Variants in TTC19 observed in about 807,000 individuals in gnomAD.
TTC19 encodes the protein tetratricopeptide repeat domain 19, also known as tetratricopeptide repeat protein 19, mitochondrial.
Under a neutral mutation model 49.5 loss-of-function variants are expected in TTC19, and 38 were observed. The observed-to-expected ratio is 0.77, with a 90% CI of 0.59 to 1.01. TTC19 has a LOEUF of 1.01. TTC19 is among the 50% of genes least tolerant of loss of function. The probability of loss-of-function intolerance (pLI) is 0.00; values close to 1 mark genes in which losing one functional copy is unlikely to be tolerated. For missense variants in TTC19, 475 were observed against 477.7 expected, an observed-to-expected ratio of 0.99 and a Z score of 0.05; for synonymous variants, 204 against 185.2, an observed-to-expected ratio of 1.10 and a Z score of -0.83.
At chr17:16,007,114 A>AC (rs1233182956) in intron 7 of TTC19, among the ~76,000 whole-genome samples, 2 of 152,214 alleles carry the variant, frequency 1.3e-5, no homozygotes, top group South Asian at 4.2e-4. Flanking sequence ...CCTACTCTAT[A>AC]CCAAGAGCTA....
intron 7 of TTC19, among the ~76,000 whole-genome samples, chr17:16,007,667 G>A (rs777667081): frequency 2.6e-5 from 4 of 152,294 alleles, no homozygotes; most frequent in Non-Finnish European, 2.9e-5. Context: ...GCCAGCTGCC[G>A]TATACAACTT....
chr17:16,013,054 A>G lies in TTC19; in HGVS notation c.676+6486A>G, dbSNP rs972719148. ...TCCTGTCTCTTCAAAAAATAAAAAA[A>G]TTACCTGGGCACGGTGGCACATGCC... is the stretch of plus-strand genomic sequence containing the variant. On this transcript the variant is annotated intron_variant, in intron 7 of 9. Coordinates refer to ENST00000261647, the MANE Select transcript of TTC19 (RefSeq NM_017775.4). Among the ~76,000 whole-genome samples, 10 of 152,222 alleles carry G rather than the reference A, an allele frequency of 6.6e-5. No individual in the cohort carries two copies. In the East Asian group the frequency reaches 1.9e-3, roughly 29 times the overall value.
intron 7 of TTC19, among the ~76,000 whole-genome samples, chr17:16,017,578 A>G (rs1971254130): frequency 6.6e-6 from 1 of 151,598 alleles, no homozygotes; most frequent in Admixed American, 6.6e-5. Context: ...TGGCCAACAT[A>G]GTGAAACCCC....
intron 2 of TTC19, chr17:16,039,754 G>C: frequency 9.4e-7 from 1 of 1,058,808 alleles, no homozygotes; most frequent in Non-Finnish European, 1.4e-6. Flanking sequence ...ACAGCACTTG[G>C]CAAGTGACCT....
At chr17:16,010,626 C>T (rs113691771) in intron 7 of TTC19, among the ~76,000 whole-genome samples, 9,266 of 151,640 alleles carry the variant, frequency 0.061, 404 homozygotes, top group Middle Eastern at 0.13. Context: ...AGGCACCCGC[C>T]ACCACACCTG....
At chr17:16,034,895 A>G (rs748817233) in intron 2 of TTC19, 1 of 1,614,210 alleles carries the variant, frequency 6.2e-7, no homozygotes, top group East Asian at 2.2e-5. Context: ...TAGGAGACTT[A>G]GATTTCCTGC....
At chr17:16,038,846 C>T (rs2056986264) in intron 2 of TTC19, among the ~76,000 whole-genome samples, 1 of 152,180 alleles carries the variant, frequency 6.6e-6, no homozygotes, top group African/African-American at 2.4e-5. Flanking sequence ...TCTCAGCTCA[C>T]AGCAACCTCC....
rs1212435528 is a variant in TTC19 at position 16,034,974 on chromosome 17, ATATAT to A, written c.247+8275_247+8279del. The stretch of plus-strand genomic sequence containing the variant: ...AAGTGAAATTCAAGTTAAAGTATTA[ATATAT>A]TAAGTTCTCAAAAATTACCAAAATG... On this transcript the variant is annotated intron_variant, in intron 2 of 2. Coordinates refer to the TTC19 transcript ENST00000470649. The A allele has an allele frequency of 2.5e-6, 4 of 1,604,046 alleles. No individual in the cohort carries two copies. In the South Asian group the frequency reaches 3.3e-5, roughly 13 times the overall value.
chr17:16,028,078 G>A lies in TTC19; in HGVS notation c.*556G>A. 2.2e-6 allele frequency: 1 copy of A among 454,082 alleles called. No homozygotes were observed. Among genetic ancestry groups the A allele is most frequent in the Non-Finnish European group, 4.4e-6 (1 of 226,792 alleles). 28.1% of individuals were successfully genotyped at this position (454,082 alleles called of 1,614,324 possible). On this transcript the variant is annotated 3_prime_UTR_variant, in exon 10 of 10. Transcript: ENST00000261647. ...GTTTGCTACCAGCATCCAGCATGAA[G>A]TTGTAAAGTGGGGATTAGGCACGTG...
intron 7 of TTC19, among the ~76,000 whole-genome samples, chr17:16,007,211 C>T (rs1970937321): frequency 6.6e-6 from 1 of 152,146 alleles, no homozygotes; most frequent in Non-Finnish European, 1.5e-5. Context: ...CCCCCGTTAT[C>T]CATGGGGAAT....
At position 16,001,903 on chromosome 17, in the gene TTC19, T is replaced by C; in HGVS notation, c.313-12T>C. 6.3e-7 allele frequency: 1 copy of C among 1,589,754 alleles called. No individual in the cohort carries two copies. Among genetic ancestry groups the C allele is most frequent in the South Asian group, 1.1e-5 (1 of 90,588 alleles). On this transcript the variant is annotated splice_polypyrimidine_tract_variant and intron_variant, in intron 2 of 9. Transcript: ENST00000261647. ...ATGTTTCATTTTCTATTATTTTGTC[T>C]TCCCTTTTCAGTTGAGCATTATGAA...
intron 7 of TTC19, among the ~76,000 whole-genome samples, chr17:16,022,778 A>G (rs1249285196): frequency 6.6e-6 from 1 of 152,172 alleles, no homozygotes; most frequent in Non-Finnish European, 1.5e-5. Context: ...ATTTTGAGTA[A>G]AAAATTCTAT....
At chr17:16,016,187 A>C (rs902190353) in intron 7 of TTC19, among the ~76,000 whole-genome samples, 1 of 152,132 alleles carries the variant, frequency 6.6e-6, no homozygotes, top group Admixed American at 6.6e-5. Flanking sequence ...CATCTCATTA[A>C]TTTTGGTAAG....
rs1479124630 is a variant in TTC19, at chr17:16,006,580, A to G, written c.676+12A>G. On this transcript the variant is annotated intron_variant, in intron 7 of 9. Coordinates refer to ENST00000261647, the MANE Select transcript of TTC19 (RefSeq NM_017775.4). ...AGACATTATGTCAGGTAGGAAACCC[A>G]TTATCTGGGCATTGCCTTTTCTCCA... 1.3e-6 allele frequency: 2 copies of G among 1,526,648 alleles called. No homozygotes were observed. Among genetic ancestry groups the G allele is most frequent in the South Asian group, 1.1e-5 (1 of 89,306 alleles). The allele number at this position is 1,526,648 out of a possible 1,614,324, so 94.6% of individuals were successfully genotyped here.
At chr17:16,034,537 G>A (rs1325807057) in intron 2 of TTC19, among the ~76,000 whole-genome samples, 1 of 152,136 alleles carries the variant, frequency 6.6e-6, no homozygotes, top group African/African-American at 2.4e-5. Flanking sequence ...GAGCCTCAGA[G>A]GTCGAGGCTG....
intron 3 of TTC19, 122 bp downstream of exon 3, chr17:16,002,147 TGA>T (rs1970757642): frequency 3.9e-6 from 3 of 762,770 alleles, no homozygotes; most frequent in Non-Finnish European, 6.7e-6. Context: ...TTCTTTTTAC[TGA>T]GTTTTCTTTT....
intron 2 of TTC19, among the ~76,000 whole-genome samples, chr17:16,041,981 G>A (rs558661016): frequency 2.6e-5 from 4 of 151,982 alleles, no homozygotes; most frequent in East Asian, 1.9e-4. Flanking sequence ...CGATATGCCC[G>A]CCTCGGCCTC....
chr17:16,036,133 T>G (rs927206919), intron 2 of TTC19, among the ~76,000 whole-genome samples: 1 of 152,256 alleles, frequency 6.6e-6, no homozygotes, highest in Non-Finnish European at 1.5e-5. Context: ...AATTATTCCT[T>G]GATCCATGGG....
chr17:16,028,955 G>A lies in TTC19; in HGVS notation c.*1433G>A, dbSNP rs748828814. 4.5e-5 allele frequency: 19 copies of A among 424,514 alleles called. 1 individual carries two copies. Among genetic ancestry groups the A allele is most frequent in the South Asian group, 3.1e-4 (18 of 57,390 alleles). 26.3% of individuals were successfully genotyped at this position (424,514 alleles called of 1,614,324 possible). On this transcript the variant is annotated 3_prime_UTR_variant, in exon 10 of 10. Coordinates refer to ENST00000261647, the MANE Select transcript of TTC19 (RefSeq NM_017775.4). ...AGATGTAAATTTCTTCCTATTTTCT[G>A]TCTAATCTCATATTATTTACCATGC...
Sources: gnomAD v4.1 joint callset for allele counts (sites outside exome capture counted in the v4.1 genomes callset) on GRCh38, gnomAD v4.1.1 for gene constraint, MANE v1.5 for transcripts, NCBI Gene and HGNC (gene_info 2026-07-23, HGNC 2026-07-21) for gene names.